Variants in PAWR observed in about 807,000 individuals in gnomAD.
PAWR encodes PRKC apoptosis WT1 regulator protein.
PAWR carries 23 observed loss-of-function variants against 32.0 expected under a neutral mutation model. The observed-to-expected ratio is 0.72, with a 90% CI of 0.52 to 1.02. The LOEUF (loss-of-function observed/expected upper bound fraction) is 1.02, where lower values mean the gene tolerates loss of function less well. Among genes scored for constraint, PAWR ranks in the 50% least tolerant of loss-of-function variants. The pLI, the probability that PAWR is intolerant of heterozygous loss-of-function variation, is 0.00. For missense variants in PAWR, 457 were observed against 437.7 expected (o/e 1.04, Z -0.39); for synonymous variants, 226 against 187.1 (o/e 1.21, Z -1.70).
Position 79,626,997 on chromosome 12 carries a change from T to C in PAWR, c.517-5790A>G, listed in dbSNP as rs140067124. Among the ~76,000 whole-genome samples the C allele has an allele frequency of 4.1e-3, 627 of 152,242 alleles. 13 individuals are homozygous for C. Among genetic ancestry groups the C allele is most frequent in the African/African-American group, 0.014 (595 of 41,552 alleles). On this transcript the variant is annotated intron_variant, in intron 2 of 6. Coordinates refer to ENST00000328827, the MANE Select transcript of PAWR (RefSeq NM_002583.4). Reference sequence around the variant, plus strand: ...CTTAATCCAGTCTATCGTTGTTGGATATTTAGGTTGGTTCCAAGTCTTTGC... The same window carrying C: ...CTTAATCCAGTCTATCGTTGTTGGACATTTAGGTTGGTTCCAAGTCTTTGC...
At chr12:79,688,255 A>G (rs560668188) in intron 2 of PAWR, 1 of 152,212 alleles carries the variant, frequency 6.6e-6, no homozygotes, top group Non-Finnish European at 1.5e-5. Flanking sequence ...TTGAAAAATA[A>G]TTTTAGCACA....
At chr12:79,611,243 G>GTATATATTATATATATTTATATA (rs1874426089) in intron 4 of PAWR, among the ~76,000 whole-genome samples, 1 of 143,520 alleles carries the variant, frequency 7.0e-6, no homozygotes, top group Non-Finnish European at 1.5e-5. Context: ...ATCTTATACA[G>GTATATATTATATATATTTATATA]TATATATTAT....
chr12:79,689,949 G>A lies in PAWR; in HGVS notation c.296C>T (p.Thr99Met), dbSNP rs1025092528. 7 of 1,398,114 alleles carry A rather than the reference G, an allele frequency of 5.0e-6. No individual in the cohort carries two copies. The highest frequency in any genetic ancestry group is 6.5e-6 in the Non-Finnish European group (7 of 1,083,548). The allele number at this position is 1,398,114 out of a possible 1,614,324, so 86.6% of individuals were successfully genotyped here. ...VNCAVGSAML[T>M]RAAPGPRRSE... ...CCGCCGCGGGCCGGGGGCCGCCCGC[G>A]TCAGCATGGCGGAGCCGACCGCGCA... The change falls in exon 2 of 7, where the codon ACG becomes ATG. Residue 99 changes from threonine (T) to methionine (M), a missense_variant. Coordinates refer to ENST00000328827, the MANE Select transcript of PAWR (RefSeq NM_002583.4).
intron 2 of PAWR, among the ~76,000 whole-genome samples, chr12:79,637,648 G>A (rs757700282): frequency 6.6e-6 from 1 of 151,538 alleles, no homozygotes; most frequent in African/African-American, 2.4e-5. Context: ...CTGGATAGCA[G>A]AAAGAAACGT....
intron 4 of PAWR, among the ~76,000 whole-genome samples, chr12:79,601,799 C>T (rs1873973592): frequency 6.6e-6 from 1 of 152,090 alleles, no homozygotes; most frequent in Non-Finnish European, 1.5e-5. Flanking sequence ...AGATCTAGTT[C>T]TAACATCAGT....
At position 79,608,423 on chromosome 12, in the gene PAWR, G is replaced by A. The variant is rs1284261411; in HGVS notation, c.683+5152C>T. Among the ~76,000 whole-genome samples the A allele has an allele frequency of 3.9e-5, 6 of 152,188 alleles. No homozygotes were observed. The East Asian group carries it at 5.8e-4, about 15-fold the overall frequency. On this transcript the variant is annotated intron_variant, in intron 4 of 6. Coordinates refer to ENST00000328827, the MANE Select transcript of PAWR (RefSeq NM_002583.4). Reference sequence around the variant, plus strand: ...GCATGAACAGTTCACAATAGGGTTCGCGCGCTCCTATGAGAATCTAATGCC... The same window carrying A: ...GCATGAACAGTTCACAATAGGGTTCACGCGCTCCTATGAGAATCTAATGCC...
chr12:79,631,357 G>A (rs966500735), intron 2 of PAWR, among the ~76,000 whole-genome samples: 2 of 152,144 alleles, frequency 1.3e-5, no homozygotes, highest in African/African-American at 2.4e-5. Flanking sequence ...AGGTATACAT[G>A]TTGGAAAGGA....
At chr12:79,621,281 G>A in intron 2 of PAWR, 74 bp from the exon 3 acceptor site, 2 of 1,104,404 alleles carry the variant, frequency 1.8e-6, no homozygotes, top group South Asian at 1.5e-5. Context: ...AAAATATATT[G>A]ATAGTATTAA....
chr12:79,621,394 C>T (rs1242122720), intron 2 of PAWR, among the ~76,000 whole-genome samples, 187 bp from the exon 3 acceptor site: 1 of 152,152 alleles, frequency 6.6e-6, no homozygotes, highest in African/African-American at 2.4e-5. Flanking sequence ...AAAACTTGTA[C>T]TTCCATATCC....
At position 79,639,829 on chromosome 12, in the gene PAWR, TTTCC is replaced by T. The variant is rs1566014246; in HGVS notation, c.517-18626_517-18623del. Among the ~76,000 whole-genome samples the T allele has an allele frequency of 1.5e-4, 17 of 115,058 alleles. No homozygotes were observed. In the East Asian group the frequency reaches 2.5e-3, roughly 17 times the overall value. 75.5% of individuals were successfully genotyped at this position (115,058 alleles called of 152,430 possible). A position where few individuals can be genotyped will look rare whatever the true frequency, so the allele number is the denominator to read the frequency against. On this transcript the variant is annotated intron_variant, in intron 2 of 6. Transcript: ENST00000328827. Reference sequence around the variant, plus strand: ...CCATTCCATTCCTTTTCCTTTTCCTTTTCCATTCCTATTCCTATTCCTATTCCTA... The same window carrying T: ...CCATTCCATTCCTTTTCCTTTTCCTTATTCCTATTCCTATTCCTATTCCTA...
chr12:79,626,937 G>T (rs2136732227), intron 2 of PAWR, among the ~76,000 whole-genome samples: 1 of 152,256 alleles, frequency 6.6e-6, no homozygotes, highest in African/African-American at 2.4e-5. Flanking sequence ...TTTTACGGCT[G>T]CATAGTATTC....
chr12:79,638,894 A>AT (rs1876132118), intron 2 of PAWR, among the ~76,000 whole-genome samples: 10 of 12,976 alleles, frequency 7.7e-4, no homozygotes, highest in Non-Finnish European at 1.3e-3. Context: ...ATATATATAT[A>AT]TATTTTTTTT....
intron 3 of PAWR, among the ~76,000 whole-genome samples, chr12:79,618,959 C>T (rs1174140213): frequency 6.6e-6 from 1 of 151,764 alleles, no homozygotes; most frequent in African/African-American, 2.4e-5. Flanking sequence ...CAAGCTTTCA[C>T]TTTCTACAGT....
intron 4 of PAWR, among the ~76,000 whole-genome samples, chr12:79,610,982 G>A (rs1327235455): frequency 2.0e-5 from 3 of 150,994 alleles, no homozygotes; most frequent in African/African-American, 7.3e-5. Context: ...AGCATAATTA[G>A]ACTGAGCACA....
intron 2 of PAWR, chr12:79,632,293 ATACATATATATATACATAC>A (rs1875676072): frequency 1.8e-5 from 1 of 54,076 alleles, no homozygotes; most frequent in East Asian, 5.5e-4. Context: ...ATAGAAATAT[ATACATATATATATACATAC>A]ATATATATAT....
At chr12:79,645,069 A>ACACACACAC (rs1220453183) in intron 2 of PAWR, among the ~76,000 whole-genome samples, 1,578 of 124,742 alleles carry the variant, frequency 0.013, 17 homozygotes, top group East Asian at 0.03. Flanking sequence ...CACACACACA[A>ACACACACAC]AAATCAATGT....
At chr12:79,648,589 C>T (rs1273935827) in intron 2 of PAWR, among the ~76,000 whole-genome samples, 7 of 147,892 alleles carry the variant, frequency 4.7e-5, no homozygotes, top group Non-Finnish European at 8.9e-5. Flanking sequence ...TCAAGACCAA[C>T]CTGGGCAACA....
rs777731976 is a variant in PAWR, at chr12:79,613,643, G to A, written c.649-34C>T. ...TAAAAATAATTATGTATCAGTTTGA[G>A]TATGTATGTACACAATTACTTATTA... On this transcript the variant is annotated intron_variant, in intron 3 of 6. Transcript: ENST00000328827. 5 of 1,234,552 alleles carry A rather than the reference G, an allele frequency of 4.1e-6. No individual in the cohort carries two copies. The East Asian group carries it at 9.4e-5, about 23-fold the overall frequency. The allele number at this position is 1,234,552 out of a possible 1,614,324, so 76.5% of individuals were successfully genotyped here.
intron 2 of PAWR, among the ~76,000 whole-genome samples, chr12:79,626,286 G>T (rs1378864141): frequency 1.3e-5 from 2 of 149,322 alleles, no homozygotes; most frequent in African/African-American, 4.9e-5. Context: ...TTGAGATGGG[G>T]TCTTGCTGTG....
Sources: gnomAD v4.1 joint callset for allele counts (sites outside exome capture counted in the v4.1 genomes callset) on GRCh38, gnomAD v4.1.1 for gene constraint, MANE v1.5 for transcripts, NCBI Gene and HGNC (gene_info 2026-07-23, HGNC 2026-07-21) for gene names.